The following NEMP1 variants were observed in gnomAD, a reference collection of about 807,000 sequenced individuals.
NEMP1 encodes transmembrane protein 194.
NEMP1 carries 29 observed loss-of-function variants against 53.7 expected under a neutral mutation model. The observed-to-expected ratio is 0.54, with a 90% confidence interval of 0.40 to 0.74. The LOEUF (loss-of-function observed/expected upper bound fraction) is 0.74. NEMP1 is among the 30% of genes least tolerant of loss of function. NEMP1 has a pLI of 0.00. For synonymous variants in NEMP1, 193 were observed against 192.9 expected (o/e 1.00, Z 0.00); for missense variants, 477 against 528.6 (o/e 0.90, Z 0.96).
At chr12:57,084,289 A>C (rs987810784) in intron 1 of NEMP1, among the ~76,000 whole-genome samples, 12 of 152,034 alleles carry the variant, frequency 7.9e-5, no homozygotes, top group African/African-American at 2.9e-4. Flanking sequence ...AATTTTTTTA[A>C]ATTTAGGAAT....
At chr12:57,080,986 A>T (rs1471979883), upstream of NEMP1, among the ~76,000 whole-genome samples, 1 of 152,076 alleles carries the variant, frequency 6.6e-6, no homozygotes, top group African/African-American at 2.4e-5. Flanking sequence ...AACAGTGCTG[A>T]TATGGTCATC....
chr12:57,064,037 C>G lies in NEMP1; in HGVS notation c.754+34G>C, dbSNP rs112690659. The stretch of plus-strand genomic sequence containing the variant: ...CAAATTAACTGAAACAGCCTATAAA[C>G]GTACAAAAGGAAAGCAAAACCGACA... On this transcript the variant is annotated intron_variant, in intron 6 of 8. Coordinates refer to ENST00000300128, the MANE Select transcript of NEMP1 (RefSeq NM_001130963.2). 4.5e-6 allele frequency: 6 copies of G among 1,320,974 alleles called. No individual in the cohort carries two copies. In the African/African-American group the frequency reaches 8.9e-5, roughly 20 times the overall value. The allele number at this position is 1,320,974 out of a possible 1,614,324, so 81.8% of individuals were successfully genotyped here.
In NEMP1 at chr12:57,063,437, C is replaced by T. The variant is rs1173942357; in HGVS notation, c.755-93G>A. On this transcript the variant is annotated intron_variant, in intron 6 of 8. Coordinates refer to ENST00000300128, the MANE Select transcript of NEMP1 (RefSeq NM_001130963.2). ...GCAGTAGTTAATTTACTATATAGCA[C>T]CAATTGAACTAGGAAATCAGATTTT... 11 of 889,216 alleles carry T rather than the reference C, an allele frequency of 1.2e-5. No homozygotes were observed. The South Asian group carries it at 1.9e-4, about 15-fold the overall frequency. 55.1% of individuals were successfully genotyped at this position (889,216 alleles called of 1,614,324 possible).
At chr12:57,078,369 C>T (rs1370894598) in intron 1 of NEMP1, among the ~76,000 whole-genome samples, 1 of 152,074 alleles carries the variant, frequency 6.6e-6, no homozygotes, top group East Asian at 1.9e-4. Context: ...CTAGGCCTCC[C>T]TTCCTGTCTC....
intron 8 of NEMP1, among the ~76,000 whole-genome samples, 189 bp downstream of exon 8, chr12:57,060,583 G>A (rs1428463880): frequency 6.6e-6 from 1 of 152,192 alleles, no homozygotes; most frequent in African/African-American, 2.4e-5. Context: ...CAAAGCTAGA[G>A]TAGATAGTTC....
Position 57,059,507 on chromosome 12 carries a change from T to G in NEMP1, c.*372A>C, listed in dbSNP as rs1555169559. 1 of 175,740 alleles carries G rather than the reference T, an allele frequency of 5.7e-6. No individual in the cohort carries two copies. The highest frequency in any genetic ancestry group is 1.2e-5 in the Non-Finnish European group (1 of 82,618). 10.9% of individuals were successfully genotyped at this position (175,740 alleles called of 1,614,324 possible). Reference sequence around the variant, plus strand: ...TATAGTCTAAAAGCATTCCTGCACTTAACAACAGTTCTTACTTTGGAGAGC... The same window carrying G: ...TATAGTCTAAAAGCATTCCTGCACTGAACAACAGTTCTTACTTTGGAGAGC... On this transcript the variant is annotated 3_prime_UTR_variant, in exon 9 of 9. Transcript: ENST00000300128.
chr12:57,072,473 G>C (rs2032399900), intron 2 of NEMP1, among the ~76,000 whole-genome samples: 1 of 152,016 alleles, frequency 6.6e-6, no homozygotes, highest in South Asian at 2.1e-4. Flanking sequence ...AAAAGAAAGA[G>C]GGGTATGTGT....
At position 57,056,904 on chromosome 12, in the gene NEMP1, T is replaced by A. The variant is rs1004778687; in HGVS notation, c.*2975A>T. 1 of 152,188 alleles carries A rather than the reference T, an allele frequency of 6.6e-6. No individual in the cohort carries two copies. The highest frequency in any genetic ancestry group is 6.6e-5 in the Admixed American group (1 of 15,266). 9.4% of individuals were successfully genotyped at this position (152,188 alleles called of 1,614,324 possible). The stretch of plus-strand genomic sequence containing the variant: ...TGGAACAGTGGGACCCAAAGAGCTA[T>A]CAGCAAAATTCCCTTTGTAACAGAC... On this transcript the variant is annotated 3_prime_UTR_variant, in exon 9 of 9. Coordinates refer to ENST00000300128, the MANE Select transcript of NEMP1 (RefSeq NM_001130963.2).
At chr12:57,085,730 A>C (rs1319113553) in intron 1 of NEMP1, among the ~76,000 whole-genome samples, 1 of 152,192 alleles carries the variant, frequency 6.6e-6, no homozygotes, top group Non-Finnish European at 1.5e-5. Flanking sequence ...AGTGTGAATT[A>C]ATTTACCAGA....
intron 1 of NEMP1, among the ~76,000 whole-genome samples, chr12:57,086,207 G>A (rs1204110381): frequency 6.6e-6 from 1 of 152,170 alleles, no homozygotes; most frequent in Non-Finnish European, 1.5e-5. Context: ...GCGTAGGGAC[G>A]ACAGTCTCTG....
At chr12:57,087,406 G>C (rs1265527858) in intron 1 of NEMP1, among the ~76,000 whole-genome samples, 2 of 151,894 alleles carry the variant, frequency 1.3e-5, no homozygotes, top group Non-Finnish European at 2.9e-5. Flanking sequence ...TGGAAACCCG[G>C]GGCCAGCGGC....
rs2031514935 is a variant in NEMP1 at position 57,056,193 on chromosome 12, TC to T, written c.*3685del. The T allele has an allele frequency of 1.3e-5, 2 of 152,232 alleles. No homozygotes were observed. Among genetic ancestry groups the T allele is most frequent in the Admixed American group, 1.3e-4 (2 of 15,282 alleles). 9.4% of individuals were successfully genotyped at this position (152,232 alleles called of 1,614,324 possible). On this transcript the variant is annotated 3_prime_UTR_variant, in exon 9 of 9. Coordinates refer to ENST00000300128, the MANE Select transcript of NEMP1 (RefSeq NM_001130963.2). Reference sequence around the variant, plus strand: ...TCTGCTTTGTTTATTCCCAGCAGGCTCTGGCTCGTGTCACATAAGGCACCAA... The same window carrying T: ...TCTGCTTTGTTTATTCCCAGCAGGCTTGGCTCGTGTCACATAAGGCACCAA...
chr12:57,078,786 G>C lies in NEMP1; in HGVS notation c.-41C>G, dbSNP rs1230145523. On this transcript the variant is annotated 5_prime_UTR_variant, in exon 1 of 9. Coordinates refer to ENST00000300128, the MANE Select transcript of NEMP1 (RefSeq NM_001130963.2). ...CCTCCTCCTCACGTGCCTTACCCCA[G>C]CAACTAACTCCGAACGGGCAACGAC... The C allele has an allele frequency of 6.3e-7, 1 of 1,583,538 alleles. No homozygotes were observed.
At chr12:57,087,338 T>C (rs553084360) in intron 1 of NEMP1, among the ~76,000 whole-genome samples, 2 of 149,916 alleles carry the variant, frequency 1.3e-5, no homozygotes, top group Non-Finnish European at 3.0e-5. Context: ...GAGCAGAGGC[T>C]GCGTGGGCGG....
At chr12:57,074,708 G>A (rs2032520022) in intron 1 of NEMP1, among the ~76,000 whole-genome samples, 1 of 152,208 alleles carries the variant, frequency 6.6e-6, no homozygotes, top group Admixed American at 6.5e-5. Context: ...AGCAGGCAAT[G>A]ATTACATGCA....
In NEMP1 at chr12:57,056,247, G is replaced by C. The variant is rs1234111814; in HGVS notation, c.*3632C>G. 2.0e-5 allele frequency: 3 copies of C among 151,906 alleles called. No individual in the cohort carries two copies. Among genetic ancestry groups the C allele is most frequent in the Non-Finnish European group, 4.4e-5 (3 of 68,012 alleles). The allele number at this position is 151,906 out of a possible 1,614,324, so 9.4% of individuals were successfully genotyped here. On this transcript the variant is annotated 3_prime_UTR_variant, in exon 9 of 9. Coordinates refer to ENST00000300128, the MANE Select transcript of NEMP1 (RefSeq NM_001130963.2). ...TCCTTTTCAAGGTAGTAACCATCTA[G>C]AATCAACTCAATTGTAACCTGAATT...
chr12:57,079,725 A>AGG (rs570845061), upstream of NEMP1, among the ~76,000 whole-genome samples: 25 of 152,326 alleles, frequency 1.6e-4, no homozygotes, highest in East Asian at 3.1e-3. Flanking sequence ...AATTCAAGGA[A>AGG]GGGGGCATCT....
At chr12:57,064,307 C>A in intron 5 of NEMP1, 122 bp from the exon 6 acceptor site, 1 of 612,336 alleles carries the variant, frequency 1.6e-6, no homozygotes. Context: ...GCACAAAAAA[C>A]ACTTCTCTTA....
chr12:57,065,977 G>A (rs569476166), intron 4 of NEMP1, among the ~76,000 whole-genome samples: 59 of 152,056 alleles, frequency 3.9e-4, no homozygotes, highest in Middle Eastern at 6.8e-3. Flanking sequence ...GTATCTGGCC[G>A]GGCATGGTGG....
Sources: gnomAD v4.1 joint callset for allele counts (sites outside exome capture counted in the v4.1 genomes callset) on GRCh38, gnomAD v4.1.1 for gene constraint, MANE v1.5 for transcripts, NCBI Gene and HGNC (gene_info 2026-07-23, HGNC 2026-07-21) for gene names.